The following MACROD2 variants were observed in gnomAD, a reference collection of about 807,000 sequenced individuals.
MACROD2 encodes the protein ADP-ribose glycohydrolase MACROD2.
In MACROD2, 36 loss-of-function variants were observed where a neutral mutation model predicts 70.4. The ratio of observed to expected loss-of-function variants is 0.51; its 90% CI spans 0.39 to 0.68. The LOEUF is 0.68. Ranked by LOEUF, MACROD2 falls within the 30% of genes least tolerant of loss-of-function variation. The pLI is 0.00. For missense variants in MACROD2, 496 were observed against 538.4 expected (o/e 0.92, Z 0.78); for synonymous variants, 172 against 178.8 (o/e 0.96, Z 0.30).
intron 7 of MACROD2, among the ~76,000 whole-genome samples, chr20:15,499,129 T>C (rs2047333995): frequency 1.3e-5 from 2 of 152,250 alleles, no homozygotes; most frequent in South Asian, 2.1e-4. Flanking sequence ...TTTTGGAGAC[T>C]CTGAGCATGT....
At chr20:14,325,863 C>T (rs751124703) in intron 3 of MACROD2, 8 of 1,613,824 alleles carry the variant, frequency 5.0e-6, no homozygotes, top group Non-Finnish European at 6.8e-6. Context: ...CATACCAACA[C>T]ACTAAAGCAA....
chr20:15,778,824 T>A (rs1241112777), intron 8 of MACROD2, among the ~76,000 whole-genome samples: 1 of 152,084 alleles, frequency 6.6e-6, no homozygotes, highest in East Asian at 1.9e-4. Flanking sequence ...CCAGTCATAA[T>A]TGAAGGAACT....
intron 3 of MACROD2, among the ~76,000 whole-genome samples, chr20:14,446,160 C>T (rs966236048): frequency 2.6e-5 from 4 of 152,056 alleles, no homozygotes; most frequent in African/African-American, 7.3e-5. Flanking sequence ...CACTTTCTCT[C>T]TCACTCCTTA....
chr20:14,661,274 G>A (rs1003681294), intron 4 of MACROD2, among the ~76,000 whole-genome samples: 3 of 151,992 alleles, frequency 2.0e-5, no homozygotes, highest in Admixed American at 1.3e-4. Flanking sequence ...TCTCGTTGTG[G>A]TTTTGATTTG....
At chr20:15,275,758 G>A (rs892803219) in intron 6 of MACROD2, among the ~76,000 whole-genome samples, 3 of 152,166 alleles carry the variant, frequency 2.0e-5, no homozygotes, top group African/African-American at 7.2e-5. Context: ...CAGGTGACTT[G>A]TGTTAGACCT....
intron 5 of MACROD2, among the ~76,000 whole-genome samples, chr20:15,058,163 C>T (rs1238480976): frequency 6.6e-6 from 1 of 152,082 alleles, no homozygotes; most frequent in African/African-American, 2.4e-5. Context: ...CATGTCTCCT[C>T]CATTAGCTTG....
At chr20:16,018,362 G>A (rs1052073596) in intron 15 of MACROD2, among the ~76,000 whole-genome samples, 9 of 151,954 alleles carry the variant, frequency 5.9e-5, no homozygotes, top group Non-Finnish European at 1.3e-4. Flanking sequence ...TGTGCTATAT[G>A]TAATGGTTCC....
rs547962606 is a variant in MACROD2, at chr20:15,172,411, T to C, written c.419-57529T>C. 3.3e-5 allele frequency among the ~76,000 whole-genome samples: 5 copies of C among 152,308 alleles called. No individual in the cohort carries two copies. The South Asian group carries it at 1.0e-3, about 32-fold the overall frequency. ...AAATATTTCTTTCCTTCTCTTTCCTTTTTTATTTTAGAGAGAGGGTCTCAA... is the reference window on the plus strand; with the variant it reads ...AAATATTTCTTTCCTTCTCTTTCCTCTTTTATTTTAGAGAGAGGGTCTCAA... On this transcript the variant is annotated intron_variant, in intron 5 of 17. Transcript: ENST00000684519.
At chr20:14,707,834 T>A (rs1361044673) in intron 5 of MACROD2, among the ~76,000 whole-genome samples, 6 of 152,206 alleles carry the variant, frequency 3.9e-5, no homozygotes, top group Non-Finnish European at 7.3e-5. Flanking sequence ...TATTTAATTA[T>A]CCATTATTTT....
chr20:15,885,944 T>TAA (rs2064817048), intron 10 of MACROD2, 133 bp downstream of exon 10: 2 of 1,042,156 alleles, frequency 1.9e-6, no homozygotes, highest in Admixed American at 3.8e-5. Context: ...GTTATAAAAT[T>TAA]AAAAAGTAGT....
chr20:13,996,201 G>C (rs1193844744), intron 1 of MACROD2: 1 of 233,806 alleles, frequency 4.3e-6, no homozygotes, highest in Non-Finnish European at 8.2e-6. Context: ...CCCGCGGACA[G>C]GTGCCCGTCG....
rs1267896088 is a variant in MACROD2 at position 15,806,264 on chromosome 20, A to C, written c.646-56481A>C. Among the ~76,000 whole-genome samples the C allele has an allele frequency of 2.6e-5, 4 of 152,332 alleles. No homozygotes were observed. The East Asian group carries it at 7.7e-4, about 29-fold the overall frequency. ...AGTATGTCCAAGTCAGAATCTGTTT[A>C]ACAATTGGTGGCCGTCTCTCAACAT... On this transcript the variant is annotated intron_variant, in intron 8 of 17. Coordinates refer to ENST00000684519, the MANE Select transcript of MACROD2 (RefSeq NM_001351661.2).
chr20:15,626,222 G>A (rs115114766), intron 8 of MACROD2, among the ~76,000 whole-genome samples: 120 of 150,348 alleles, frequency 8.0e-4, no homozygotes, highest in African/African-American at 2.7e-3. Context: ...GCAACATGAA[G>A]GATTTAGGTT....
Position 16,041,232 on chromosome 20 carries a change from G to T in MACROD2, c.1185G>T (p.Gly395=). 6.2e-7 allele frequency: 1 copy of T among 1,612,088 alleles called. No individual in the cohort carries two copies. The highest frequency in any genetic ancestry group is 8.5e-7 in the Non-Finnish European group (1 of 1,178,976). Residue 395 remains glycine (G), a synonymous_variant, in exon 16 of 18, where the codon GGG becomes GGT. Transcript: ENST00000684519. ...GCGAGGACACACCTAGGATGCCTGG[G>T]AAAAGTGAAGGCTCCAGTGACCTAG... ...APGEDTPRMP[G]KSEGSSDLEN...
At chr20:14,304,111 A>C (rs1449257096) in intron 3 of MACROD2, among the ~76,000 whole-genome samples, 2 of 152,198 alleles carry the variant, frequency 1.3e-5, no homozygotes, top group Non-Finnish European at 2.9e-5. Context: ...ACTACTTACG[A>C]ATGCAAACTT....
chr20:15,672,226 T>C (rs983556387), intron 8 of MACROD2, among the ~76,000 whole-genome samples: 5 of 152,166 alleles, frequency 3.3e-5, no homozygotes, highest in African/African-American at 1.2e-4. Context: ...TTTATAATTA[T>C]ATTAGCTTTG....
chr20:14,919,179 A>C (rs1358720982), intron 5 of MACROD2, among the ~76,000 whole-genome samples: 1 of 152,212 alleles, frequency 6.6e-6, no homozygotes, highest in Non-Finnish European at 1.5e-5. Context: ...GGAATGCATC[A>C]CAAACACATT....
intron 8 of MACROD2, among the ~76,000 whole-genome samples, chr20:15,547,537 A>G (rs2048041086): frequency 6.6e-6 from 1 of 152,200 alleles, no homozygotes; most frequent in African/African-American, 2.4e-5. Context: ...AATAAGTGGA[A>G]TAATACCGCT....
At chr20:14,339,142 A>T (rs761267804) in intron 3 of MACROD2, among the ~76,000 whole-genome samples, 6 of 152,180 alleles carry the variant, frequency 3.9e-5, no homozygotes, top group Non-Finnish European at 7.3e-5. Flanking sequence ...TTTGTTTGAT[A>T]ACAGTTTGAC....
Sources: allele counts gnomAD v4.1 joint callset (sites outside exome capture counted in the v4.1 genomes callset), GRCh38; gene constraint gnomAD v4.1.1; transcripts MANE v1.5; gene names NCBI Gene and HGNC (gene_info 2026-07-23, HGNC 2026-07-21).